Variants in TMEM117 observed in about 807,000 individuals in gnomAD.
The protein encoded by TMEM117 is transmembrane protein 117.
TMEM117 carries 27 observed loss-of-function variants against 52.4 expected under a neutral mutation model. The ratio of observed to expected loss-of-function variants is 0.51; its 90% CI spans 0.38 to 0.71. The LOEUF (loss-of-function observed/expected upper bound fraction) is 0.71, where lower values mean the gene tolerates loss of function less well. Among genes scored for constraint, TMEM117 ranks in the 30% least tolerant of loss-of-function variants. The pLI is 0.00. For synonymous variants in TMEM117, 215 were observed against 206.3 expected, an observed-to-expected ratio of 1.04 and a Z score of -0.36; for missense variants, 556 against 630.5, an observed-to-expected ratio of 0.88 and a Z score of 1.26.
At chr12:44,344,130 A>G (rs1245147136) in intron 6 of TMEM117, among the ~76,000 whole-genome samples, 1 of 152,146 alleles carries the variant, frequency 6.6e-6, no homozygotes, top group Non-Finnish European at 1.5e-5. Flanking sequence ...AATCACAACT[A>G]CTATGCCAGG....
At chr12:43,872,371 TG>T (rs1943721457) in intron 2 of TMEM117, among the ~76,000 whole-genome samples, 1 of 18,278 alleles carries the variant, frequency 5.5e-5, no homozygotes. Context: ...AAAAGGCGTC[TG>T]TACCTCTAAC....
At chr12:44,257,060 T>G (rs142071884) in intron 5 of TMEM117, among the ~76,000 whole-genome samples, 58 of 149,318 alleles carry the variant, frequency 3.9e-4, no homozygotes, top group African/African-American at 1.2e-3. Flanking sequence ...GAAATATCTA[T>G]TGCATACTAG....
At chr12:43,951,030 C>T (rs1022585701) in intron 3 of TMEM117, among the ~76,000 whole-genome samples, 2 of 152,166 alleles carry the variant, frequency 1.3e-5, no homozygotes, top group Non-Finnish European at 2.9e-5. Context: ...CATTGCTTCA[C>T]CCAGGAAGTG....
intron 4 of TMEM117, among the ~76,000 whole-genome samples, chr12:44,179,916 C>A (rs1376736020): frequency 6.6e-6 from 1 of 152,122 alleles, no homozygotes; most frequent in African/African-American, 2.4e-5. Flanking sequence ...TGGCTTTCTT[C>A]CATGTTGTGA....
intron 3 of TMEM117, among the ~76,000 whole-genome samples, chr12:43,999,503 A>G (rs1946082998): frequency 6.6e-6 from 1 of 152,180 alleles, no homozygotes; most frequent in South Asian, 2.1e-4. Context: ...TGTTTGAGAC[A>G]GAGTCTGGCT....
At chr12:43,833,808 A>T (rs1012308228), upstream of TMEM117, among the ~76,000 whole-genome samples, 1 of 151,712 alleles carries the variant, frequency 6.6e-6, no homozygotes, top group Non-Finnish European at 1.5e-5. Flanking sequence ...GAAAAAAAAA[A>T]TAGGCTGGGC....
intron 3 of TMEM117, among the ~76,000 whole-genome samples, chr12:43,960,748 T>C (rs1201274658): frequency 6.6e-6 from 1 of 152,202 alleles, no homozygotes; most frequent in African/African-American, 2.4e-5. Flanking sequence ...TAGCCCCATC[T>C]TAACTACATA....
rs531973299 is a variant in TMEM117, at chr12:44,164,584, G to A, written c.510+20960G>A. Among the ~76,000 whole-genome samples the A allele has an allele frequency of 1.5e-3, 225 of 152,198 alleles. 2 individuals carry two copies. The highest frequency in any genetic ancestry group is 5.1e-3 in the African/African-American group (212 of 41,524). On this transcript the variant is annotated intron_variant, in intron 4 of 7. Transcript: ENST00000266534. ...GCTGGAAAAAAAACCCTTGTAAAAGGCAACAGTATGGAAATACAGGAACAT... is the reference window on the plus strand; with the variant it reads ...GCTGGAAAAAAAACCCTTGTAAAAGACAACAGTATGGAAATACAGGAACAT...
At chr12:44,296,021 T>G (rs1304508137) in intron 5 of TMEM117, among the ~76,000 whole-genome samples, 1 of 152,188 alleles carries the variant, frequency 6.6e-6, no homozygotes, top group Non-Finnish European at 1.5e-5. Flanking sequence ...CTGCTAGGAT[T>G]GGTTTTGGGA....
intron 3 of TMEM117, among the ~76,000 whole-genome samples, chr12:44,036,549 A>G (rs184119487): frequency 5.3e-5 from 8 of 152,330 alleles, no homozygotes; most frequent in Admixed American, 3.3e-4. Context: ...GAGATATAGC[A>G]ATGTTGCTGT....
intron 6 of TMEM117, among the ~76,000 whole-genome samples, chr12:44,315,564 A>G (rs1951043497): frequency 6.6e-6 from 1 of 152,186 alleles, no homozygotes; most frequent in African/African-American, 2.4e-5. Context: ...TGGTTTTCAG[A>G]TACCTTCTTG....
chr12:44,172,849 C>T (rs189850367), intron 4 of TMEM117, among the ~76,000 whole-genome samples: 11 of 152,124 alleles, frequency 7.2e-5, no homozygotes, highest in African/African-American at 2.2e-4. Flanking sequence ...CTCAGCCTCC[C>T]GAGTAGCTAG....
chr12:43,806,049 C>G, the TMEM117 span: 14 of 1,518,842 alleles, frequency 9.2e-6, no homozygotes, highest in Non-Finnish European at 1.2e-5. Flanking sequence ...GGACGCAGGC[C>G]GGCAGCGCCC....
chr12:44,395,206 AT>A, the TMEM117 span, among the ~76,000 whole-genome samples: 1 of 152,206 alleles, frequency 6.6e-6, no homozygotes, highest in Non-Finnish European at 1.5e-5. Context: ...ATGTTTTTGC[AT>A]TTGAAGCACA....
At chr12:44,097,146 A>C (rs1388018796) in intron 3 of TMEM117, among the ~76,000 whole-genome samples, 1 of 152,230 alleles carries the variant, frequency 6.6e-6, no homozygotes, top group East Asian at 1.9e-4. Context: ...AGAGAAATGC[A>C]AATCAAAACC....
chr12:43,850,553 G>T (rs1423153453), intron 2 of TMEM117, among the ~76,000 whole-genome samples: 1 of 151,918 alleles, frequency 6.6e-6, no homozygotes, highest in Non-Finnish European at 1.5e-5. Flanking sequence ...TTGTCACCTT[G>T]GCTAGTTTTC....
At chr12:44,121,695 A>G (rs1186949269) in intron 3 of TMEM117, among the ~76,000 whole-genome samples, 2 of 151,970 alleles carry the variant, frequency 1.3e-5, no homozygotes, top group Non-Finnish European at 2.9e-5. Flanking sequence ...TATACAGATT[A>G]TTTTTCTCTT....
intron 5 of TMEM117, among the ~76,000 whole-genome samples, chr12:44,225,693 G>A (rs1949851610): frequency 6.6e-6 from 1 of 152,110 alleles, no homozygotes; most frequent in Non-Finnish European, 1.5e-5. Context: ...GCAGGTCTCT[G>A]AGGTTAATGA....
At chr12:43,866,497 C>G (rs1316082449) in intron 2 of TMEM117, among the ~76,000 whole-genome samples, 3 of 151,814 alleles carry the variant, frequency 2.0e-5, no homozygotes, top group African/African-American at 7.3e-5. Flanking sequence ...ATTACCAGAG[C>G]CTGGGAGGTC....
Sources: gnomAD v4.1 joint callset for allele counts (sites outside exome capture counted in the v4.1 genomes callset) on GRCh38, gnomAD v4.1.1 for gene constraint, MANE v1.5 for transcripts, NCBI Gene and HGNC (gene_info 2026-07-23, HGNC 2026-07-21) for gene names.